Variants in PARD3 observed in about 807,000 individuals in gnomAD.
The protein encoded by PARD3 is par-3 family cell polarity regulator, also known as partitioning defective 3 homolog.
PARD3 carries 75 observed loss-of-function variants against 155.4 expected under a neutral mutation model. That is an observed-to-expected ratio of 0.48 (90% CI 0.40 to 0.58). PARD3 has a LOEUF of 0.58. PARD3 is among the 20% of genes least tolerant of loss of function. PARD3 has a pLI of 0.00. For missense variants in PARD3, 1,642 were observed against 1,721.7 expected (o/e 0.95, Z 0.82); for synonymous variants, 576 against 610.5 (o/e 0.94, Z 0.83).
At chr10:34,445,370 T>C (rs2076685122) in intron 5 of PARD3, among the ~76,000 whole-genome samples, 1 of 152,212 alleles carries the variant, frequency 6.6e-6, no homozygotes, top group African/African-American at 2.4e-5. Flanking sequence ...CTTCAACAGA[T>C]TTTAGTTTAA....
chr10:34,776,794 TAAG>T (rs1457026243), intron 1 of PARD3, among the ~76,000 whole-genome samples: 1 of 133,672 alleles, frequency 7.5e-6, no homozygotes, highest in Non-Finnish European at 1.5e-5. Flanking sequence ...AAAAACAAAT[TAAG>T]GAGACTATTT....
intron 22 of PARD3, among the ~76,000 whole-genome samples, chr10:34,256,589 C>G (rs954337093): frequency 6.6e-6 from 1 of 152,210 alleles, no homozygotes; most frequent in Admixed American, 6.5e-5. Flanking sequence ...AAAGGAATCA[C>G]CTTGGAGGCA....
intron 2 of PARD3, among the ~76,000 whole-genome samples, chr10:34,639,604 T>C (rs1486377643): frequency 6.6e-6 from 1 of 152,146 alleles, no homozygotes; most frequent in Non-Finnish European, 1.5e-5. Context: ...ACACCTCTAA[T>C]GCCACCACTT....
intron 22 of PARD3, among the ~76,000 whole-genome samples, chr10:34,193,103 C>A (rs1950786618): frequency 6.6e-6 from 1 of 152,208 alleles, no homozygotes; most frequent in African/African-American, 2.4e-5. Flanking sequence ...CAAGTAAATT[C>A]TTTCCACTGA....
At chr10:34,672,001 C>T (rs2093618597) in intron 2 of PARD3, among the ~76,000 whole-genome samples, 1 of 150,396 alleles carries the variant, frequency 6.6e-6, no homozygotes, top group East Asian at 1.9e-4. Flanking sequence ...ATAGGGAGAC[C>T]CCATCTGTAC....
At chr10:34,314,349 C>T (rs531483704) in intron 20 of PARD3, among the ~76,000 whole-genome samples, 1 of 152,268 alleles carries the variant, frequency 6.6e-6, no homozygotes, top group Non-Finnish European at 1.5e-5. Flanking sequence ...AATGACTATC[C>T]TCATCGTGTG....
At chr10:34,532,853 A>G (rs1221690978) in intron 2 of PARD3, among the ~76,000 whole-genome samples, 1 of 152,182 alleles carries the variant, frequency 6.6e-6, no homozygotes, top group Non-Finnish European at 1.5e-5. Flanking sequence ...TGATACAGTC[A>G]TGTCACTTAA....
rs12773320 is a variant in PARD3 at position 34,630,335 on chromosome 10, G to A, written c.222+65983C>T. Among the ~76,000 whole-genome samples, 729 of 152,246 alleles carry A rather than the reference G, an allele frequency of 4.8e-3. 4 individuals carry two copies. The highest frequency in any genetic ancestry group is 6.7e-3 in the Non-Finnish European group (457 of 68,022). ...GATGTGGCAGAGACTCCTCCTGCAG[G>A]AATGCAGCTTTTCACATCCAGGTTC... On this transcript the variant is annotated intron_variant, in intron 2 of 24. Transcript: ENST00000374788.
At chr10:34,178,942 T>C (rs1427417724) in intron 22 of PARD3, among the ~76,000 whole-genome samples, 1 of 152,158 alleles carries the variant, frequency 6.6e-6, no homozygotes, top group Non-Finnish European at 1.5e-5. Context: ...GTGTCAGGAC[T>C]TGATGCTGAG....
At chr10:34,740,696 A>G (rs919830742) in intron 1 of PARD3, among the ~76,000 whole-genome samples, 9 of 151,888 alleles carry the variant, frequency 5.9e-5, no homozygotes, top group Non-Finnish European at 1.3e-4. Flanking sequence ...GTGAACAACA[A>G]ATCACGTTCC....
chr10:34,335,708 G>C (rs1437720001), intron 18 of PARD3, among the ~76,000 whole-genome samples: 4 of 151,998 alleles, frequency 2.6e-5, no homozygotes, highest in Admixed American at 2.6e-4. Flanking sequence ...ATCAAAAAAA[G>C]AATATGCCTT....
Position 34,337,251 on chromosome 10 carries a change from AAGATTCATGG to A in PARD3, c.2560+14_2560+23del. ...AAAGCATTTAAAACTTATTTAGATA[AAGATTCATGG>A]AGATTGTACTCACTACCTAAATCCA... On this transcript the variant is annotated intron_variant, in intron 17 of 24. Coordinates refer to ENST00000374788, the MANE Select transcript of PARD3 (RefSeq NM_001184785.2). 2.1e-6 allele frequency: 3 copies of A among 1,451,684 alleles called. No homozygotes were observed. Among genetic ancestry groups the A allele is most frequent in the Non-Finnish European group, 2.8e-6 (3 of 1,083,452 alleles). 89.9% of individuals were successfully genotyped at this position (1,451,684 alleles called of 1,614,324 possible).
At chr10:34,609,177 C>G (rs934078136) in intron 2 of PARD3, among the ~76,000 whole-genome samples, 3 of 152,170 alleles carry the variant, frequency 2.0e-5, no homozygotes, top group Non-Finnish European at 2.9e-5. Context: ...TTAAAACTAA[C>G]AATTCTATTT....
At chr10:34,652,675 G>A (rs2093047555) in intron 2 of PARD3, among the ~76,000 whole-genome samples, 1 of 152,130 alleles carries the variant, frequency 6.6e-6, no homozygotes, top group Non-Finnish European at 1.5e-5. Flanking sequence ...CACCTAACAA[G>A]GAAATGACTG....
At chr10:34,673,994 A>C (rs551423192) in intron 2 of PARD3, among the ~76,000 whole-genome samples, 62 of 151,852 alleles carry the variant, frequency 4.1e-4, no homozygotes, top group African/African-American at 1.4e-3. Flanking sequence ...CAAAAAAAAA[A>C]AAACAAACAA....
At chr10:34,556,807 T>C (rs938350075) in intron 2 of PARD3, among the ~76,000 whole-genome samples, 10 of 152,314 alleles carry the variant, frequency 6.6e-5, no homozygotes, top group African/African-American at 2.4e-4. Flanking sequence ...AACCGTTTCC[T>C]TTCCCCTAGT....
intron 22 of PARD3, among the ~76,000 whole-genome samples, chr10:34,236,555 G>T (rs76847491): frequency 6.6e-6 from 1 of 151,960 alleles, no homozygotes; most frequent in East Asian, 1.9e-4. Context: ...CTTTTGTTGC[G>T]CTACTGTTGT....
intron 22 of PARD3, among the ~76,000 whole-genome samples, chr10:34,185,554 C>T (rs1224017522): frequency 6.6e-6 from 1 of 151,954 alleles, no homozygotes; most frequent in Non-Finnish European, 1.5e-5. Context: ...TTCATGGGCT[C>T]ATATCTCAAC....
At chr10:34,639,727 G>A (rs1564448794) in intron 2 of PARD3, among the ~76,000 whole-genome samples, 1 of 151,996 alleles carries the variant, frequency 6.6e-6, no homozygotes, top group Admixed American at 6.6e-5. Context: ...TTAGCTGGTG[G>A]TACATGCTTG....
Sources: allele counts gnomAD v4.1 joint callset (sites outside exome capture counted in the v4.1 genomes callset), GRCh38; gene constraint gnomAD v4.1.1; transcripts MANE v1.5; gene names NCBI Gene and HGNC (gene_info 2026-07-23, HGNC 2026-07-21).